Variants in C17orf113 observed in about 807,000 individuals in gnomAD.
C17orf113 encodes chromosome 17 open reading frame 113.
Under a neutral mutation model 11.6 loss-of-function variants are expected in C17orf113, and 5 were observed. The observed-to-expected ratio is 0.43, with a 90% confidence interval of 0.23 to 0.91. The LOEUF is 0.91. Ranked by LOEUF, C17orf113 falls within the 40% of genes least tolerant of loss-of-function variation. The probability of loss-of-function intolerance (pLI) is 0.26; values close to 1 mark genes in which losing one functional copy is unlikely to be tolerated. For missense variants in C17orf113, 714 were observed against 841.3 expected (o/e 0.85, Z 1.87); for synonymous variants, 327 against 390.6 (o/e 0.84, Z 1.92).
At chr17:42,042,230 A>C (rs560651874) in intron 2 of C17orf113, among the ~76,000 whole-genome samples, 4 of 152,236 alleles carry the variant, frequency 2.6e-5, no homozygotes, top group African/African-American at 9.6e-5. Context: ...ACCAAAAAAC[A>C]AAAAACAGAG....
Position 42,039,501 on chromosome 17 carries a change from G to A in C17orf113, c.*204C>T, listed in dbSNP as rs2052951286. The A allele has an allele frequency of 5.2e-6, 2 of 387,366 alleles. No individual in the cohort carries two copies. Among genetic ancestry groups the A allele is most frequent in the East Asian group, 3.9e-5 (1 of 25,558 alleles). 24.0% of individuals were successfully genotyped at this position (387,366 alleles called of 1,614,324 possible). ...CCTAGCATCTCTGCCCACCCGCCCA[G>A]GCCCCTCTTGAGCCAGTCCCTTCCT... On this transcript the variant is annotated 3_prime_UTR_variant, in exon 3 of 3. Transcript: ENST00000587304.
chr17:42,038,253 T>C lies in C17orf113; in HGVS notation c.*1452A>G. 1.8e-6 allele frequency: 1 copy of C among 554,480 alleles called. No individual in the cohort carries two copies. Among genetic ancestry groups the C allele is most frequent in the Non-Finnish European group, 3.1e-6 (1 of 321,418 alleles). The allele number at this position is 554,480 out of a possible 1,614,324, so 34.3% of individuals were successfully genotyped here. ...TGCATGATGTGCTGGGATTCCATTT[T>C]ATTGCAAATTAAACTCAAACCCAGG... is the stretch of plus-strand genomic sequence containing the variant. On this transcript the variant is annotated 3_prime_UTR_variant, in exon 3 of 3. Transcript: ENST00000587304.
rs1046485251 is a variant in C17orf113, at chr17:42,041,045, C to T, written c.688G>A (p.Gly230Ser). Reference sequence around the variant, plus strand: ...CCCAGGAAGGTGGTGGCGGGCTGGCCATCACAGGGGGACACTGAAGTGGCA... The same window carrying T: ...CCCAGGAAGGTGGTGGCGGGCTGGCTATCACAGGGGGACACTGAAGTGGCA... ...LFATSVSPCD[G>S]QPATTFLGSV... Residue 230 changes from glycine to serine, a missense_variant, in exon 3 of 3, where the codon GGC becomes AGC. Gly to Ser is a moderately conservative substitution (Grantham distance 56). Transcript: ENST00000587304. 8.1e-7 allele frequency: 1 copy of T among 1,232,354 alleles called. No homozygotes were observed. The allele number at this position is 1,232,354 out of a possible 1,614,324, so 76.3% of individuals were successfully genotyped here. A position where few individuals can be genotyped will look rare whatever the true frequency, so the allele number is the denominator to read the frequency against.
At chr17:42,048,928 C>G (rs2053226937) in intron 1 of C17orf113, among the ~76,000 whole-genome samples, 1 of 125,572 alleles carries the variant, frequency 8.0e-6, no homozygotes, top group South Asian at 3.1e-4. Context: ...GGAGACAGAG[C>G]AAGACTCCAT....
chr17:42,049,075 C>G lies in C17orf113; in HGVS notation c.-188+1482G>C, dbSNP rs371419684. Among the ~76,000 whole-genome samples the G allele has an allele frequency of 2.0e-4, 30 of 152,312 alleles. No homozygotes were observed. The East Asian group carries it at 4.6e-3, about 24-fold the overall frequency. On this transcript the variant is annotated intron_variant, in intron 1 of 2. Transcript: ENST00000587304. ...ACCTCTCTGGTGGCCACTTGTGTCT[C>G]CCTTCCTTCCTAGTAACACCACCCT...
In C17orf113 at chr17:42,039,877, C is replaced by T. The variant is rs1208697492; in HGVS notation, c.1856G>A (p.Arg619His). Reference protein sequence around the residue: ...AGAGLLDKVGRSRELRWWGQS... With the variant: ...AGAGLLDKVGHSRELRWWGQS... ...CCCCCACCACCGCAGCTCCCGGCTG[C>T]GGCCGACCTTGTCCAGCAGGCCAGC... Residue 619 changes from arginine to histidine, a missense_variant, in exon 3 of 3, where the codon CGC (arginine) becomes CAC (histidine). This residue lies in a region of C17orf113 where 194 missense variants were observed against 197.2 expected (regional missense o/e 0.98). Coordinates refer to ENST00000587304, the MANE Select transcript of C17orf113 (RefSeq NM_001358661.2). 4 of 1,231,260 alleles carry T rather than the reference C, an allele frequency of 3.2e-6. No individual in the cohort carries two copies. Among genetic ancestry groups the T allele is most frequent in the Admixed American group, 4.2e-5 (1 of 23,690 alleles). The allele number at this position is 1,231,260 out of a possible 1,614,324, so 76.3% of individuals were successfully genotyped here. A position where few individuals can be genotyped will look rare whatever the true frequency, so the allele number is the denominator to read the frequency against.
At chr17:42,042,809 C>T in intron 2 of C17orf113, 25 bp downstream of exon 2, 1 of 1,231,748 alleles carries the variant, frequency 8.1e-7, no homozygotes, top group Non-Finnish European at 1.0e-6. Context: ...CAAGCCCTTC[C>T]CCCATACTTC....
chr17:42,048,769 C>T (rs1229717119), intron 1 of C17orf113, among the ~76,000 whole-genome samples: 1 of 152,126 alleles, frequency 6.6e-6, no homozygotes, highest in African/African-American at 2.4e-5. Flanking sequence ...GCGGCCTTGT[C>T]CAGGCCACCT....
chr17:42,049,949 C>A, intron 1 of C17orf113, among the ~76,000 whole-genome samples: 1 of 152,234 alleles, frequency 6.6e-6, no homozygotes, highest in Non-Finnish European at 1.5e-5. Flanking sequence ...AGCACATTTA[C>A]ATCATCCCAG....
intron 2 of C17orf113, among the ~76,000 whole-genome samples, chr17:42,041,952 T>A (rs2053032697): frequency 6.6e-6 from 1 of 152,192 alleles, no homozygotes; most frequent in African/African-American, 2.4e-5. Context: ...GGACCTTGCT[T>A]TTCAACACAA....
intron 1 of C17orf113, among the ~76,000 whole-genome samples, chr17:42,048,376 CAAA>C (rs34771406): frequency 3.1e-4 from 39 of 124,764 alleles, no homozygotes; most frequent in Admixed American, 4.1e-4. Flanking sequence ...CTGTCTTTAC[CAAA>C]AAAAAAAAAA....
intron 1 of C17orf113, among the ~76,000 whole-genome samples, chr17:42,044,113 C>G (rs377263339): frequency 7.3e-6 from 1 of 137,212 alleles, no homozygotes; most frequent in East Asian, 2.2e-4. Context: ...CAAGACCAGC[C>G]TGGGCAACAT....
rs1299200488 is a variant in C17orf113, at chr17:42,039,984, C to A, written c.1749G>T (p.Leu583=). The A allele has an allele frequency of 3.2e-6, 4 of 1,230,936 alleles. No homozygotes were observed. In the African/African-American group the frequency reaches 6.2e-5, roughly 19 times the overall value. 76.3% of individuals were successfully genotyped at this position (1,230,936 alleles called of 1,614,324 possible). A position where few individuals can be genotyped will look rare whatever the true frequency, so the allele number is the denominator to read the frequency against. The change falls in exon 3 of 3, where the codon CTG becomes CTT. Residue 583 remains leucine (L), a synonymous_variant. Coordinates refer to ENST00000587304, the MANE Select transcript of C17orf113 (RefSeq NM_001358661.2). ...RLGPRALCTQ[L]ACAHSELHEL... ...CGTGCAGCTCCGAGTGCGCGCACGCCAGCTGGGTGCACAGGGCCCGCGGGC... is the reference window on the plus strand; with the variant it reads ...CGTGCAGCTCCGAGTGCGCGCACGCAAGCTGGGTGCACAGGGCCCGCGGGC...
intron 1 of C17orf113, among the ~76,000 whole-genome samples, chr17:42,049,855 T>C (rs2053246133): frequency 1.3e-5 from 2 of 152,250 alleles, no homozygotes; most frequent in South Asian, 4.1e-4. Flanking sequence ...TACTTAGAAT[T>C]AAATAAAACA....
At chr17:42,044,602 G>C (rs1290235147) in intron 1 of C17orf113, among the ~76,000 whole-genome samples, 3 of 150,458 alleles carry the variant, frequency 2.0e-5, no homozygotes, top group Non-Finnish European at 4.4e-5. Flanking sequence ...GGCAACAAGA[G>C]CAAAACTCTG....
Position 42,040,256 on chromosome 17 carries a change from A to C in C17orf113, c.1477T>G (p.Ser493Ala), listed in dbSNP as rs2052983234. The C allele has an allele frequency of 8.1e-7, 1 of 1,231,582 alleles. No homozygotes were observed. The highest frequency in any genetic ancestry group is 1.0e-6 in the Non-Finnish European group (1 of 987,856). 76.3% of individuals were successfully genotyped at this position (1,231,582 alleles called of 1,614,324 possible). The change falls in exon 3 of 3, where the codon TCC (serine) becomes GCC (alanine). Residue 493 changes from serine (S) to alanine (A), a missense_variant. Coordinates refer to ENST00000587304, the MANE Select transcript of C17orf113 (RefSeq NM_001358661.2). ...CCCTTCCGCATGGAGTCCAGGAAGG[A>C]TCCCCGGAGCCACTCCAAGCCCCGG... The part of the protein sequence containing the change: ...AVRGLEWLRG[S>A]FLDSMRKGLQ...
chr17:42,040,124 C>G lies in C17orf113; in HGVS notation c.1609G>C (p.Gly537Arg). 8.1e-7 allele frequency: 1 copy of G among 1,231,430 alleles called. No individual in the cohort carries two copies. The highest frequency in any genetic ancestry group is 1.0e-6 in the Non-Finnish European group (1 of 987,728). The allele number at this position is 1,231,430 out of a possible 1,614,324, so 76.3% of individuals were successfully genotyped here. A position where few individuals can be genotyped will look rare whatever the true frequency, so the allele number is the denominator to read the frequency against. ...PQAPEELGTH[G>R]EGALRVLLRG... ...AGCAGCACCCGCAGCGCCCCCTCGC[C>G]ATGCGTGCCCAGCTCCTCCGGCGCC... The change falls in exon 3 of 3, where the codon GGC becomes CGC. Residue 537 changes from glycine (G) to arginine (R), a missense_variant. By Grantham distance (125) the Gly-to-Arg change is moderately radical (BLOSUM62 -2). This residue lies in a region of C17orf113 where 194 missense variants were observed against 197.2 expected (regional missense o/e 0.98). Transcript: ENST00000587304.
Position 42,039,810 on chromosome 17 carries a change from C to T in C17orf113, c.1923G>A (p.Lys641=). 2 of 1,232,300 alleles carry T rather than the reference C, an allele frequency of 1.6e-6. No individual in the cohort carries two copies. Among genetic ancestry groups the T allele is most frequent in the Non-Finnish European group, 2.0e-6 (2 of 988,076 alleles). The allele number at this position is 1,232,300 out of a possible 1,614,324, so 76.3% of individuals were successfully genotyped here. Residue 641 remains lysine, a synonymous_variant, in exon 3 of 3, where the codon AAG becomes AAA. Coordinates refer to ENST00000587304, the MANE Select transcript of C17orf113 (RefSeq NM_001358661.2). Reference sequence around the variant, plus strand: ...GCAGCGGGGGCCCATCCACTGCGATCTTCACCATGTGGCCCCCCCGGCCTT... The same window carrying T: ...GCAGCGGGGGCCCATCCACTGCGATTTTCACCATGTGGCCCCCCCGGCCTT... The part of the protein sequence containing the change: ...AGEGRGGHMV[K]IAVDGPPLHE...
rs890026415 is a variant in C17orf113 at position 42,039,071 on chromosome 17, T to A, written c.*634A>T. On this transcript the variant is annotated 3_prime_UTR_variant, in exon 3 of 3. Transcript: ENST00000587304. ...TTCGAGACCAGCCTGGCCAACATGG[T>A]GAAACCCTGTCTCTACTAAAAATAC... 1 of 151,942 alleles carries A rather than the reference T, an allele frequency of 6.6e-6. No homozygotes were observed. The highest frequency in any genetic ancestry group is 2.4e-5 in the African/African-American group (1 of 41,318). 9.4% of individuals were successfully genotyped at this position (151,942 alleles called of 1,614,324 possible).
Sources: gnomAD v4.1 joint callset for allele counts (sites outside exome capture counted in the v4.1 genomes callset) on GRCh38, gnomAD v4.1.1 for gene constraint, gnomAD v4.1.1 regional missense constraint, MANE v1.5 for transcripts, NCBI Gene and HGNC (gene_info 2026-07-23, HGNC 2026-07-21) for gene names.